The following MYOM1 variants were observed in gnomAD, a reference collection of about 807,000 sequenced individuals.
MYOM1 encodes the protein myomesin-1.
A neutral mutation model predicts 205.3 loss-of-function variants in MYOM1; 164 were observed. The observed-to-expected ratio is 0.80, with a 90% CI of 0.70 to 0.91. The LOEUF (loss-of-function observed/expected upper bound fraction) is 0.91, where lower values mean the gene tolerates loss of function less well. MYOM1 is among the 40% of genes least tolerant of loss of function. MYOM1 has a pLI of 0.00. For synonymous variants in MYOM1, 772 were observed against 789.4 expected (o/e 0.98, Z 0.37); for missense variants, 2,011 against 2,127.3 (o/e 0.95, Z 1.08).
chr18:3,197,873 AAAAAAGAAAAAG>A (rs370225137), intron 2 of MYOM1, among the ~76,000 whole-genome samples: 5 of 147,670 alleles, frequency 3.4e-5, no homozygotes, highest in Admixed American at 2.6e-4. Flanking sequence ...ACTCCATCTC[AAAAAAGAAAAAG>A]AAAAAGAAAA....
intron 34 of MYOM1, among the ~76,000 whole-genome samples, chr18:3,076,314 C>T (rs12956602): frequency 2.1e-3 from 314 of 152,256 alleles, no homozygotes; most frequent in Non-Finnish European, 3.6e-3. Flanking sequence ...GTGATTTGCC[C>T]GTCTCGGCCT....
At chr18:3,243,672 C>A in the MYOM1 span, among the ~76,000 whole-genome samples, 2 of 151,990 alleles carry the variant, frequency 1.3e-5, no homozygotes, top group Non-Finnish European at 2.9e-5. Flanking sequence ...TCTATTCTAC[C>A]CCCGGACAAT....
intron 16 of MYOM1, among the ~76,000 whole-genome samples, chr18:3,133,241 T>C (rs1406099804): frequency 6.6e-6 from 1 of 152,140 alleles, no homozygotes; most frequent in African/African-American, 2.4e-5. Flanking sequence ...TAATCATTTA[T>C]CTCTACTCTC....
intron 25 of MYOM1, among the ~76,000 whole-genome samples, chr18:3,099,725 G>A (rs1165349459): frequency 6.6e-6 from 1 of 152,192 alleles, no homozygotes; most frequent in African/African-American, 2.4e-5. Context: ...AAAATGGTAG[G>A]CACTGTCTTT....
chr18:3,084,088 C>CTCAAAT, intron 31 of MYOM1, 61 bp from the exon 32 acceptor site: 2 of 1,526,620 alleles, frequency 1.3e-6, no homozygotes, highest in Non-Finnish European at 1.8e-6. Context: ...AAGGTTAAAT[C>CTCAAAT]TCAAATTCTT....
intron 22 of MYOM1, among the ~76,000 whole-genome samples, chr18:3,108,548 AT>A (rs111380552): frequency 0.078 from 11,508 of 147,884 alleles, 516 homozygotes; most frequent in African/African-American, 0.098. Context: ...CAATGACAGC[AT>A]TTTTTTTTTT....
intron 25 of MYOM1, among the ~76,000 whole-genome samples, chr18:3,096,717 A>G (rs1371000889): frequency 6.6e-6 from 1 of 152,174 alleles, no homozygotes; most frequent in African/African-American, 2.4e-5. Context: ...CATATAGTGC[A>G]TGTATACAAG....
At position 3,131,502 on chromosome 18, in the gene MYOM1, A is replaced by C. The variant is rs753782530; in HGVS notation, c.2385-6T>G. The C allele has an allele frequency of 1.2e-6, 2 of 1,608,004 alleles. No homozygotes were observed. Among genetic ancestry groups the C allele is most frequent in the Admixed American group, 3.4e-5 (2 of 58,664 alleles). ...CTAATCCATGACAAGTGAATCTAAA[A>C]GGAAAACAAGTTTTAAAAAATTTTC... On this transcript the variant is annotated splice_region_variant and splice_polypyrimidine_tract_variant and intron_variant, in intron 16 of 37. Transcript: ENST00000356443.
intron 29 of MYOM1, among the ~76,000 whole-genome samples, chr18:3,086,585 A>G (rs914184519): frequency 6.6e-6 from 1 of 152,242 alleles, no homozygotes; most frequent in Non-Finnish European, 1.5e-5. Context: ...CTAAAAGTTT[A>G]ATGAAAGATA....
At chr18:3,177,445 CATTATTATT>C (rs138933689) in intron 5 of MYOM1, among the ~76,000 whole-genome samples, 122 of 139,258 alleles carry the variant, frequency 8.8e-4, no homozygotes, top group East Asian at 8.6e-3. Flanking sequence ...GAAGCAATAT[CATTATTATT>C]ATTATTATTA....
intron 37 of MYOM1, among the ~76,000 whole-genome samples, chr18:3,071,297 T>A (rs1340245778): frequency 6.6e-6 from 1 of 152,218 alleles, no homozygotes; most frequent in African/African-American, 2.4e-5. Context: ...GGTCTACATA[T>A]GTCTATTAGA....
At chr18:3,206,240 C>A (rs1279206923) in intron 2 of MYOM1, among the ~76,000 whole-genome samples, 1 of 152,194 alleles carries the variant, frequency 6.6e-6, no homozygotes, top group African/African-American at 2.4e-5. Context: ...CACAAAAGAG[C>A]TGAATTCATT....
upstream of MYOM1, among the ~76,000 whole-genome samples, chr18:3,223,937 G>A (rs938633810): frequency 3.3e-5 from 5 of 152,168 alleles, no homozygotes; most frequent in Admixed American, 1.3e-4. Context: ...AGTGGCTGGA[G>A]AGTGGGGCCT....
At position 3,067,543 on chromosome 18, in the gene MYOM1, T is replaced by A; in HGVS notation, c.4777A>T (p.Thr1593Ser). 1 of 1,613,108 alleles carries A rather than the reference T, an allele frequency of 6.2e-7. No homozygotes were observed. The highest frequency in any genetic ancestry group is 1.1e-5 in the South Asian group (1 of 91,046). ...TIQEGKALNL[T>S]CNVWGDPPPE... ...GGCGGGTCTCCCCACACGTTGCAAG[T>A]GAGATTAAGGGCCTGCAAGACAGGT... Residue 1593 changes from threonine to serine, a missense_variant, in exon 38 of 38, where the codon ACT becomes TCT. Physicochemically the swap from Thr to Ser is moderately conservative, Grantham distance 58. Transcript: ENST00000356443.
Position 3,135,488 on chromosome 18 carries a change from A to G in MYOM1, c.2209+59T>C, listed in dbSNP as rs2079942891. On this transcript the variant is annotated intron_variant, in intron 15 of 37. Coordinates refer to ENST00000356443, the MANE Select transcript of MYOM1 (RefSeq NM_003803.4). The surrounding 1 kb of genome is among the most constrained non-coding windows in gnomAD (Gnocchi z 4.1). ...TTTTTACTCCTGGCCAAATATACAT[A>G]TACTAGATCCTTGCTTTGAAATTTT... 2.0e-6 allele frequency: 3 copies of G among 1,505,976 alleles called. No homozygotes were observed. The highest frequency in any genetic ancestry group is 2.8e-5 in the African/African-American group (2 of 72,168). The allele number at this position is 1,505,976 out of a possible 1,614,324, so 93.3% of individuals were successfully genotyped here.
chr18:3,199,035 G>C (rs1003880946), intron 2 of MYOM1, among the ~76,000 whole-genome samples: 11 of 152,140 alleles, frequency 7.2e-5, no homozygotes, highest in African/African-American at 2.4e-4. Flanking sequence ...ACTACACTGA[G>C]AATTCGCTAT....
chr18:3,078,463 T>A (rs2079045778), intron 34 of MYOM1, among the ~76,000 whole-genome samples: 2 of 152,292 alleles, frequency 1.3e-5, no homozygotes, highest in South Asian at 4.1e-4. Context: ...AGAATCTTGC[T>A]CTGTTGCCCA....
At position 3,164,342 on chromosome 18, in the gene MYOM1, G is replaced by A; in HGVS notation, c.1437C>T (p.Leu479=). The A allele has an allele frequency of 6.2e-7, 1 of 1,612,552 alleles. No homozygotes were observed. Among genetic ancestry groups the A allele is most frequent in the South Asian group, 1.1e-5 (1 of 90,660 alleles). The stretch of plus-strand genomic sequence containing the variant: ...CTCCCATCCGTACACGGATTGTATA[G>A]AGGCCTTCATCTTCTTTGTTGAGAT... ...FSHLNKEDEG[L]YTIRVRMGEY... The change falls in exon 10 of 38, where the codon CTC becomes CTT. Residue 479 remains leucine (L), a synonymous_variant. Coordinates refer to ENST00000356443, the MANE Select transcript of MYOM1 (RefSeq NM_003803.4).
Position 3,135,521 on chromosome 18 carries a change from A to G in MYOM1, c.2209+26T>C. On this transcript the variant is annotated intron_variant, in intron 15 of 37. Transcript: ENST00000356443. The surrounding 1 kb of genome is among the most constrained non-coding windows in gnomAD (Gnocchi z 4.1). Reference sequence around the variant, plus strand: ...TCCTTGCTTTGAAATTTTCTCTTGAAGTAAAAGAAGTTTACAGTTGCTTAC... The same window carrying G: ...TCCTTGCTTTGAAATTTTCTCTTGAGGTAAAAGAAGTTTACAGTTGCTTAC... 1.2e-6 allele frequency: 2 copies of G among 1,600,168 alleles called. No homozygotes were observed. The highest frequency in any genetic ancestry group is 1.1e-5 in the South Asian group (1 of 89,488).
Sources: gnomAD v4.1 joint callset for allele counts (sites outside exome capture counted in the v4.1 genomes callset) on GRCh38, gnomAD v4.1.1 for gene constraint, Gnocchi (gnomAD v3.1) non-coding constraint, MANE v1.5 for transcripts, NCBI Gene and HGNC (gene_info 2026-07-23, HGNC 2026-07-21) for gene names.